B2M: variants seen among roughly 807,000 people sequenced by gnomAD.
B2M encodes beta-2-microglobulin.
B2M carries 3 observed loss-of-function variants against 14.5 expected under a neutral mutation model. The ratio of observed to expected loss-of-function variants is 0.21; its 90% CI spans 0.09 to 0.53. The LOEUF is 0.53. Among genes scored for constraint, B2M ranks in the 20% least tolerant of loss-of-function variants. The pLI is 0.95. For synonymous variants in B2M, 45 were observed against 52.7 expected, an observed-to-expected ratio of 0.85 and a Z score of 0.64; for missense variants, 107 against 140.8, an observed-to-expected ratio of 0.76 and a Z score of 1.21.
chr15:44,717,538 A>G (rs2141290320), intron 3 of B2M, 69 bp from the exon 4 acceptor site: 1 of 152,322 alleles, frequency 6.6e-6, no homozygotes, highest in Middle Eastern at 3.4e-3. Flanking sequence ...GAAATTAGAC[A>G]AGTTTGGTAA....
chr15:44,711,641 G>A, intron 1 of B2M, 28 bp downstream of exon 1: 1 of 1,601,882 alleles, frequency 6.2e-7, no homozygotes, highest in Non-Finnish European at 8.5e-7. Context: ...TCCCGCTCTG[G>A]TCCTTCCTCT....
At chr15:44,717,425 A>AT in intron 3 of B2M, 182 bp from the exon 4 acceptor site, 1 of 152,294 alleles carries the variant, frequency 6.6e-6, no homozygotes, top group East Asian at 1.9e-4. Flanking sequence ...TTCTTCTAAG[A>AT]TTTTGGGAGC....
At chr15:44,716,214 C>A in intron 2 of B2M, 115 bp from the exon 3 acceptor site, 1 of 1,246,072 alleles carries the variant, frequency 8.0e-7, no homozygotes, top group Non-Finnish European at 1.2e-6. Context: ...TGGGTAGGAA[C>A]AGCAGCCTAT....
At chr15:44,716,085 A>T in intron 2 of B2M, 1 of 609,704 alleles carries the variant, frequency 1.6e-6, no homozygotes. Context: ...TTTGTTTGTA[A>T]GTCCTGCTGT....
At chr15:44,715,830 C>A in intron 2 of B2M, 129 bp downstream of exon 2, 1 of 1,136,244 alleles carries the variant, frequency 8.8e-7, no homozygotes, top group Non-Finnish European at 1.3e-6. Flanking sequence ...CTGATATAAA[C>A]AATCTGCATA....
intron 3 of B2M, 21 bp from the exon 4 acceptor site, chr15:44,717,586 A>T (rs1488372271): frequency 2.6e-5 from 4 of 152,208 alleles, no homozygotes; most frequent in Admixed American, 2.6e-4. Context: ...TTCATTGCTA[A>T]CCTTTTTCTT....
At chr15:44,714,420 A>C (rs2254835) in intron 1 of B2M, 35,999 of 152,202 alleles carry the variant, frequency 0.24, 5,217 homozygotes, top group African/African-American at 0.4. Context: ...GGCATATAAA[A>C]CCTCAGCAGA....
chr15:44,712,977 C>T (rs1487325625), intron 1 of B2M: 6 of 141,750 alleles, frequency 4.2e-5, no homozygotes, highest in Admixed American at 7.4e-5. Flanking sequence ...GGCAACAGAG[C>T]GAGACCCTGT....
Position 44,716,139 on chromosome 15 carries a change from G to T in B2M, c.347-190G>T, listed in dbSNP as rs958366123. The T allele has an allele frequency of 1.8e-5, 12 of 660,046 alleles. No homozygotes were observed. The African/African-American group carries it at 2.0e-4, about 11-fold the overall frequency. The allele number at this position is 660,046 out of a possible 1,614,324, so 40.9% of individuals were successfully genotyped here. A position where few individuals can be genotyped will look rare whatever the true frequency, so the allele number is the denominator to read the frequency against. On this transcript the variant is annotated intron_variant, in intron 2 of 3. Coordinates refer to ENST00000648006, the MANE Select transcript of B2M (RefSeq NM_004048.4). Reference sequence around the variant, plus strand: ...TGGACTTCTCCAGTACTTTCTGGCTGGATTGGTATCTGAGGCTAGTAGGAA... The same window carrying T: ...TGGACTTCTCCAGTACTTTCTGGCTTGATTGGTATCTGAGGCTAGTAGGAA...
In B2M at chr15:44,711,546, G is replaced by A. The variant is rs2086864762; in HGVS notation, c.-1G>A. On this transcript the variant is annotated 5_prime_UTR_variant, in exon 1 of 4. Transcript: ENST00000648006. ...CTGAAGCTGACAGCATTCGGGCCGA[G>A]ATGTCTCGCTCCGTGGCCTTAGCTG... is the stretch of plus-strand genomic sequence containing the variant. The A allele has an allele frequency of 1.3e-5, 21 of 1,613,736 alleles. No individual in the cohort carries two copies. The highest frequency in any genetic ancestry group is 1.8e-5 in the Non-Finnish European group (21 of 1,179,996).
At chr15:44,712,552 T>C (rs553243074) in intron 1 of B2M, among the ~76,000 whole-genome samples, 2 of 152,202 alleles carry the variant, frequency 1.3e-5, no homozygotes, top group South Asian at 4.2e-4. Flanking sequence ...ATTCGTGCAT[T>C]TTTTTTTAAG....
chr15:44,716,915 G>A (rs1178940127), intron 3 of B2M: 1 of 153,260 alleles, frequency 6.5e-6, no homozygotes, highest in Non-Finnish European at 1.5e-5. Context: ...AAGCAAGAGA[G>A]AGGGAGGAAC....
intron 2 of B2M, 108 bp downstream of exon 2, chr15:44,715,809 T>G: frequency 3.6e-4 from 433 of 1,207,474 alleles, no homozygotes; most frequent in Non-Finnish European, 4.6e-4. Flanking sequence ...CCTGAATGAG[T>G]CCCATCCCAT....
At chr15:44,715,882 C>T in intron 2 of B2M, 181 bp downstream of exon 2, 1 of 806,892 alleles carries the variant, frequency 1.2e-6, no homozygotes, top group Admixed American at 2.1e-5. Context: ...AGATTAGTGG[C>T]ACCTGCTGAG....
chr15:44,711,727 G>A, intron 1 of B2M, 114 bp downstream of exon 1: 1 of 1,318,954 alleles, frequency 7.6e-7, no homozygotes, highest in Non-Finnish European at 1.1e-6. Flanking sequence ...CTCCTTGGTG[G>A]CCCGCCGTGG....
Position 44,715,679 on chromosome 15 carries a change from A to G in B2M, c.324A>G (p.Ser108=). The change falls in exon 2 of 4, where the codon TCA becomes TCG. Residue 108 remains serine (S), a synonymous_variant. Coordinates refer to ENST00000648006, the MANE Select transcript of B2M (RefSeq NM_004048.4). ...GCCGTGTGAACCATGTGACTTTGTCACAGCCCAAGATAGTTAAGTGGGGTA... is the reference window on the plus strand; with the variant it reads ...GCCGTGTGAACCATGTGACTTTGTCGCAGCCCAAGATAGTTAAGTGGGGTA... ...YACRVNHVTL[S]QPKIVKWDRD... 1 of 1,614,234 alleles carries G rather than the reference A, an allele frequency of 6.2e-7. No homozygotes were observed. Among genetic ancestry groups the G allele is most frequent in the East Asian group, 2.2e-5 (1 of 44,890 alleles).
At chr15:44,714,490 C>G (rs186953646) in intron 1 of B2M, 1 of 152,364 alleles carries the variant, frequency 6.6e-6, no homozygotes, top group Non-Finnish European at 1.5e-5. Flanking sequence ...CACGGTGGCT[C>G]GTGCCTGTAA....
At position 44,711,591 on chromosome 15, in the gene B2M, T is replaced by C. The variant is rs2141284603; in HGVS notation, c.45T>C (p.Leu15=). 1 of 1,613,886 alleles carries C rather than the reference T, an allele frequency of 6.2e-7. No individual in the cohort carries two copies. Among genetic ancestry groups the C allele is most frequent in the Non-Finnish European group, 8.5e-7 (1 of 1,179,992 alleles). The change falls in exon 1 of 4, where the codon CTT becomes CTC. Residue 15 remains leucine (L), a synonymous_variant. Transcript: ENST00000648006. ...VALAVLALLS[L]SGLEAIQRTP... ...TAGCTGTGCTCGCGCTACTCTCTCT[T>C]TCTGGCCTGGAGGCTATCCAGCGTG...
At chr15:44,714,031 A>G (rs1375533824) in intron 1 of B2M, 5 of 152,160 alleles carry the variant, frequency 3.3e-5, no homozygotes, top group African/African-American at 1.2e-4. Context: ...TAGCACTAAC[A>G]CTTCTCTTCA....
Sources: allele counts gnomAD v4.1 joint callset (sites outside exome capture counted in the v4.1 genomes callset), GRCh38; gene constraint gnomAD v4.1.1; transcripts MANE v1.5; gene names NCBI Gene and HGNC (gene_info 2026-07-23, HGNC 2026-07-21).